Variants in PDE4D observed in about 807,000 individuals in gnomAD.
PDE4D encodes phosphodiesterase 4D.
A neutral mutation model predicts 87.4 loss-of-function variants in PDE4D; 24 were observed. The ratio of observed to expected loss-of-function variants is 0.27; its 90% CI spans 0.20 to 0.39. The LOEUF is 0.39. PDE4D is among the 10% of genes least tolerant of loss of function. The probability of loss-of-function intolerance (pLI) is 1.00; values close to 1 mark genes in which losing one functional copy is unlikely to be tolerated. For synonymous variants in PDE4D, 384 were observed against 383.2 expected (o/e 1.00, Z -0.02); for missense variants, 714 against 1,041.0 (o/e 0.69, Z 4.32).
At chr5:60,401,894 A>G (rs991100770) in intron 1 of PDE4D, among the ~76,000 whole-genome samples, 1 of 152,250 alleles carries the variant, frequency 6.6e-6, no homozygotes, top group African/African-American at 2.4e-5. Context: ...TAAGAAACCC[A>G]GAGAGTTTCA....
chr5:60,439,504 T>C (rs1004361833), intron 1 of PDE4D, among the ~76,000 whole-genome samples: 5 of 152,270 alleles, frequency 3.3e-5, no homozygotes, highest in African/African-American at 4.8e-5. Flanking sequence ...GAGTTTTGTA[T>C]TGTCAGGTAA....
In PDE4D at chr5:60,344,439, A is replaced by G. The variant is rs376356386; in HGVS notation, c.-90+143503T>C. On this transcript the variant is annotated intron_variant, in intron 1 of 16. Transcript: ENST00000502484. ...CATGACCTTCCTTAACTAGGTATCA[A>G]TCTCTTATAGAGTAGAAAGTTATAT... Among the ~76,000 whole-genome samples the G allele has an allele frequency of 1.0e-3, 157 of 152,214 alleles. 1 individual carries two copies. Among genetic ancestry groups the G allele is most frequent in the East Asian group, 5.8e-4 (3 of 5,184 alleles).
chr5:60,415,658 G>C (rs1320371503), intron 1 of PDE4D, among the ~76,000 whole-genome samples: 1 of 152,254 alleles, frequency 6.6e-6, no homozygotes, highest in African/African-American at 2.4e-5. Flanking sequence ...ACGGGGCAGG[G>C]CTCGGGACCT....
At chr5:59,228,789 T>C (rs1754444454) in intron 1 of PDE4D, among the ~76,000 whole-genome samples, 1 of 152,188 alleles carries the variant, frequency 6.6e-6, no homozygotes, top group Non-Finnish European at 1.5e-5. Context: ...ATCTCATCTT[T>C]ACCTACATCT....
intron 1 of PDE4D, among the ~76,000 whole-genome samples, chr5:60,378,237 CACTAGTA>C (rs1301876126): frequency 6.6e-6 from 1 of 152,112 alleles, no homozygotes; most frequent in African/African-American, 2.4e-5. Flanking sequence ...TGTGTCTTCC[CACTAGTA>C]AAGGGGACAC....
chr5:59,080,469 G>T (rs929452018), intron 5 of PDE4D, among the ~76,000 whole-genome samples: 6 of 152,166 alleles, frequency 3.9e-5, no homozygotes, highest in African/African-American at 1.4e-4. Flanking sequence ...TGTGGGACTT[G>T]TCTCTGTTCT....
At chr5:59,669,042 G>C (rs754338062) in intron 1 of PDE4D, among the ~76,000 whole-genome samples, 2 of 152,200 alleles carry the variant, frequency 1.3e-5, no homozygotes, top group Non-Finnish European at 1.5e-5. Context: ...CATTCAGTTA[G>C]GTTATGAAGA....
chr5:60,001,778 GT>G (rs1322538502), intron 2 of PDE4D, among the ~76,000 whole-genome samples: 2 of 150,190 alleles, frequency 1.3e-5, no homozygotes, highest in Non-Finnish European at 3.0e-5. Flanking sequence ...AAAGTGTAGA[GT>G]TTTTGTATGT....
chr5:59,663,121 A>G (rs961422740), intron 1 of PDE4D, among the ~76,000 whole-genome samples: 2 of 152,282 alleles, frequency 1.3e-5, no homozygotes, highest in African/African-American at 4.8e-5. Flanking sequence ...AGGAAATAAG[A>G]TTTAGAAATT....
chr5:60,140,655 C>A (rs1780447699), intron 2 of PDE4D, among the ~76,000 whole-genome samples: 1 of 151,166 alleles, frequency 6.6e-6, no homozygotes, highest in Non-Finnish European at 1.5e-5. Context: ...TGCTACTCAG[C>A]CAAAGTATTT....
chr5:59,409,904 T>A (rs1792354827), intron 1 of PDE4D, among the ~76,000 whole-genome samples: 3 of 152,154 alleles, frequency 2.0e-5, no homozygotes, highest in African/African-American at 7.2e-5. Context: ...GAAGAAGAAT[T>A]CTTCTTGGTT....
chr5:59,815,341 C>T (rs369154688), intron 1 of PDE4D, among the ~76,000 whole-genome samples: 6 of 152,136 alleles, frequency 3.9e-5, no homozygotes, highest in East Asian at 1.9e-4. Context: ...AGTTTTAGAA[C>T]GCAAGAGGGT....
intron 6 of PDE4D, among the ~76,000 whole-genome samples, chr5:59,032,985 T>C (rs1757851470): frequency 6.6e-6 from 1 of 152,232 alleles, no homozygotes; most frequent in Non-Finnish European, 1.5e-5. Flanking sequence ...CTTTTCACTG[T>C]ACAAAGCTGC....
intron 1 of PDE4D, among the ~76,000 whole-genome samples, chr5:59,712,423 TA>T (rs1754338976): frequency 7.1e-6 from 1 of 141,622 alleles, no homozygotes; most frequent in African/African-American, 2.6e-5. Flanking sequence ...TATATATATA[TA>T]TATATTTAAG....
intron 1 of PDE4D, among the ~76,000 whole-genome samples, chr5:59,626,084 T>C (rs947316061): frequency 2.6e-5 from 4 of 152,146 alleles, no homozygotes; most frequent in African/African-American, 9.7e-5. Flanking sequence ...TGAGACTCCG[T>C]CTCAAAAAAA....
chr5:60,119,308 T>G (rs1355718410), intron 2 of PDE4D, among the ~76,000 whole-genome samples: 1 of 152,194 alleles, frequency 6.6e-6, no homozygotes. Flanking sequence ...CTAAGAAAGT[T>G]CTGTAAGTTT....
chr5:59,383,006 T>C (rs1366555146), intron 1 of PDE4D, among the ~76,000 whole-genome samples: 2 of 152,218 alleles, frequency 1.3e-5, no homozygotes, highest in African/African-American at 4.8e-5. Flanking sequence ...TAGTGCGGTA[T>C]CTAAAGCATG....
At chr5:60,254,299 C>A (rs1300511222) in intron 1 of PDE4D, among the ~76,000 whole-genome samples, 1 of 151,898 alleles carries the variant, frequency 6.6e-6, no homozygotes, top group Admixed American at 6.6e-5. Context: ...TTTTAAGATG[C>A]TCAATTCATG....
intron 1 of PDE4D, among the ~76,000 whole-genome samples, chr5:60,295,965 A>T (rs891913179): frequency 1.2e-4 from 18 of 152,178 alleles, no homozygotes; most frequent in African/African-American, 4.3e-4. Flanking sequence ...AGAGAATTTG[A>T]TGTCTAATAA....
Sources: allele counts gnomAD v4.1 joint callset (sites outside exome capture counted in the v4.1 genomes callset), GRCh38; gene constraint gnomAD v4.1.1; transcripts MANE v1.5; gene names NCBI Gene and HGNC (gene_info 2026-07-23, HGNC 2026-07-21).